The following OAT variants were observed in gnomAD, a reference collection of about 807,000 sequenced individuals.
The protein encoded by OAT is ornithine aminotransferase, also known as ornithine aminotransferase, mitochondrial.
OAT carries 35 observed loss-of-function variants against 48.4 expected under a neutral mutation model. The ratio of observed to expected loss-of-function variants is 0.72; its 90% CI spans 0.55 to 0.96. OAT has a LOEUF of 0.96. Ranked by LOEUF, OAT falls within the 40% of genes least tolerant of loss-of-function variation. The pLI, the probability that OAT is intolerant of heterozygous loss-of-function variation, is 0.00. For missense variants in OAT, 438 were observed against 537.9 expected (o/e 0.81, Z 1.84); for synonymous variants, 182 against 198.4 (o/e 0.92, Z 0.70).
chr10:124,406,625 G>C (rs930703716), intron 4 of OAT, among the ~76,000 whole-genome samples: 12 of 151,950 alleles, frequency 7.9e-5, no homozygotes, highest in African/African-American at 2.9e-4. Flanking sequence ...AGACCAGCCT[G>C]GTTAACATGG....
At chr10:124,403,096 G>C (rs370424757) in intron 6 of OAT, 41 bp from the exon 7 acceptor site, 1 of 1,610,854 alleles carries the variant, frequency 6.2e-7, no homozygotes, top group Admixed American at 1.7e-5. Context: ...GATCACTTTC[G>C]TTTCCACAGG....
chr10:124,401,771 G>A lies in OAT; in HGVS notation c.969C>T (p.Tyr323=), dbSNP rs138895801. 2.3e-4 allele frequency: 365 copies of A among 1,613,208 alleles called. 1 individual carries two copies. The African/African-American group carries it at 3.7e-3, about 16-fold the overall frequency. ...CTCGGCAGCCTAGTGGATTGCCACCGTATGTGGACCCATGCTCCCCTGGCT... is the reference window on the plus strand; with the variant it reads ...CTCGGCAGCCTAGTGGATTGCCACCATATGTGGACCCATGCTCCCCTGGCT... ...TIKPGEHGST[Y]GGNPLGCRVA... The change falls in exon 8 of 10, where the codon TAC becomes TAT. Residue 323 remains tyrosine (Y), a synonymous_variant. Coordinates refer to ENST00000368845, the MANE Select transcript of OAT (RefSeq NM_000274.4).
intron 4 of OAT, 136 bp downstream of exon 4, chr10:124,408,406 G>T: frequency 3.4e-6 from 2 of 582,736 alleles, no homozygotes; most frequent in Non-Finnish European, 6.2e-6. Flanking sequence ...GGCTGGTCTT[G>T]AACTCCAGGG....
chr10:124,413,414 G>A (rs781163570), intron 1 of OAT, among the ~76,000 whole-genome samples: 31 of 152,020 alleles, frequency 2.0e-4, no homozygotes, highest in African/African-American at 3.6e-4. Context: ...GACCAGGTGC[G>A]GTGACTCATG....
At position 124,417,289 on chromosome 10, in the gene OAT, T is replaced by C. The variant is rs544977225; in HGVS notation, c.-30+1584A>G. ...GTAAACCCAAAACTATAAGCTTTTT[T>C]TTTTTTTTTTTTTTTTTTCGAGACG... On this transcript the variant is annotated intron_variant, in intron 1 of 9. Transcript: ENST00000368845. 2.8e-5 allele frequency among the ~76,000 whole-genome samples: 4 copies of C among 143,628 alleles called. No individual in the cohort carries two copies. The East Asian group carries it at 6.0e-4, about 21-fold the overall frequency. 94.2% of individuals were successfully genotyped at this position (143,628 alleles called of 152,430 possible). A position where few individuals can be genotyped will look rare whatever the true frequency, so the allele number is the denominator to read the frequency against.
In OAT at chr10:124,405,575, A is replaced by G; in HGVS notation, c.521-12T>C. ...CCAGAAGTTCCCAGCTACAAAGGGG[A>G]AACAAACAGTGATTATTTCAAAGAA... On this transcript the variant is annotated splice_polypyrimidine_tract_variant and intron_variant, in intron 4 of 9. Coordinates refer to ENST00000368845, the MANE Select transcript of OAT (RefSeq NM_000274.4). 6.2e-7 allele frequency: 1 copy of G among 1,611,872 alleles called. No homozygotes were observed.
At chr10:124,402,515 C>T (rs1028333194) in intron 7 of OAT, among the ~76,000 whole-genome samples, 1 of 152,192 alleles carries the variant, frequency 6.6e-6, no homozygotes, top group Non-Finnish European at 1.5e-5. Flanking sequence ...GATGTAGTAA[C>T]AATTACTGGC....
intron 1 of OAT, 53 bp downstream of exon 1, chr10:124,418,820 A>AC (rs1267171854): frequency 6.6e-6 from 1 of 151,966 alleles, no homozygotes; most frequent in African/African-American, 2.4e-5. Context: ...CTGTCAGGGA[A>AC]CCCCGGCCAG....
intron 2 of OAT, 26 bp from the exon 3 acceptor site, chr10:124,408,991 A>G (rs1951680219): frequency 6.4e-7 from 1 of 1,568,232 alleles, no homozygotes; most frequent in Admixed American, 1.7e-5. Flanking sequence ...AAGGAAAATA[A>G]TTTTAGACAA....
intron 9 of OAT, among the ~76,000 whole-genome samples, chr10:124,399,874 C>T (rs1475433472): frequency 1.3e-5 from 2 of 152,060 alleles, no homozygotes; most frequent in African/African-American, 2.4e-5. Flanking sequence ...TGACACAAAG[C>T]ATCAAAGTGA....
At chr10:124,407,296 G>C (rs1951611260) in intron 4 of OAT, 2 of 985,462 alleles carry the variant, frequency 2.0e-6, no homozygotes, top group South Asian at 4.7e-5. Flanking sequence ...AGGTATAAGG[G>C]ACTTACAGTT....
In OAT at chr10:124,404,009, A is replaced by T. The variant is rs1589702968; in HGVS notation, c.649-89T>A. On this transcript the variant is annotated intron_variant, in intron 5 of 9. Coordinates refer to ENST00000368845, the MANE Select transcript of OAT (RefSeq NM_000274.4). ...CATATACCACACATATTTTACATTA[A>T]GTATGCAAATCAAGTTTTCGCACTA... The T allele has an allele frequency of 7.2e-6, 11 of 1,520,416 alleles. No homozygotes were observed. In the East Asian group the frequency reaches 2.5e-4, roughly 35 times the overall value. The allele number at this position is 1,520,416 out of a possible 1,614,324, so 94.2% of individuals were successfully genotyped here.
At chr10:124,399,433 C>T (rs1951338353) in intron 9 of OAT, among the ~76,000 whole-genome samples, 1 of 149,914 alleles carries the variant, frequency 6.7e-6, no homozygotes, top group Non-Finnish European at 1.5e-5. Context: ...GCAAGCTCCA[C>T]CTCCCAGGTT....
At chr10:124,403,564 A>G (rs1047640510) in intron 6 of OAT, among the ~76,000 whole-genome samples, 1 of 152,242 alleles carries the variant, frequency 6.6e-6, no homozygotes, top group South Asian at 2.1e-4. Context: ...GCAGTTCTGC[A>G]CAGGGCCCAG....
At chr10:124,399,338 CT>C (rs937720307) in intron 9 of OAT, among the ~76,000 whole-genome samples, 659 of 58,768 alleles carry the variant, frequency 0.011, 3 homozygotes, top group African/African-American at 0.04. Context: ...CCAGGTGATT[CT>C]TTTTTTTTTT....
chr10:124,409,678 T>G (rs1300229791), intron 2 of OAT, among the ~76,000 whole-genome samples: 4 of 152,198 alleles, frequency 2.6e-5, no homozygotes, highest in Non-Finnish European at 5.9e-5. Flanking sequence ...GTAAATCATG[T>G]GTCTGATAAG....
intron 2 of OAT, 46 bp from the exon 3 acceptor site, chr10:124,409,011 G>A (rs373853546): frequency 8.1e-6 from 12 of 1,479,184 alleles, no homozygotes; most frequent in African/African-American, 5.6e-5. Context: ...ATTACTATAC[G>A]GCATAAAGTC....
At chr10:124,413,750 A>G (rs946877685) in intron 1 of OAT, among the ~76,000 whole-genome samples, 2 of 152,200 alleles carry the variant, frequency 1.3e-5, no homozygotes, top group African/African-American at 4.8e-5. Flanking sequence ...GAGAGAGTCA[A>G]ACTACAAACT....
chr10:124,402,796 G>A, intron 7 of OAT, 131 bp downstream of exon 7: 1 of 1,162,492 alleles, frequency 8.6e-7, no homozygotes, highest in African/African-American at 1.5e-5. Flanking sequence ...GATATTCCGG[G>A]TGGCCTGCAG....
Sources: gnomAD v4.1 joint callset for allele counts (sites outside exome capture counted in the v4.1 genomes callset) on GRCh38, gnomAD v4.1.1 for gene constraint, MANE v1.5 for transcripts, NCBI Gene and HGNC (gene_info 2026-07-23, HGNC 2026-07-21) for gene names.